Variants in CTNNA3 observed in about 807,000 individuals in gnomAD.
CTNNA3 encodes catenin alpha 3.
A neutral mutation model predicts 95.7 loss-of-function variants in CTNNA3; 76 were observed. The ratio of observed to expected loss-of-function variants is 0.79; its 90% confidence interval spans 0.66 to 0.96. CTNNA3 has a LOEUF of 0.96. Among genes scored for constraint, CTNNA3 ranks in the 40% least tolerant of loss-of-function variants. The probability of loss-of-function intolerance (pLI) is 0.00; values close to 1 mark genes in which losing one functional copy is unlikely to be tolerated. For synonymous variants in CTNNA3, 431 were observed against 374.4 expected (o/e 1.15, Z -1.74); for missense variants, 1,191 against 1,089.8 (o/e 1.09, Z -1.31).
At chr10:66,851,917 T>C (rs1843513471) in intron 7 of CTNNA3, among the ~76,000 whole-genome samples, 1 of 152,120 alleles carries the variant, frequency 6.6e-6, no homozygotes, top group Admixed American at 6.6e-5. Flanking sequence ...CAAGTCTCAC[T>C]CCATGCTTGA....
chr10:67,471,253 T>C (rs1256023420), intron 5 of CTNNA3, among the ~76,000 whole-genome samples: 1 of 152,214 alleles, frequency 6.6e-6, no homozygotes, highest in Non-Finnish European at 1.5e-5. Context: ...TTAAACACAA[T>C]ATAACAACCA....
intron 15 of CTNNA3, among the ~76,000 whole-genome samples, chr10:66,069,011 T>A (rs2133599268): frequency 6.6e-6 from 1 of 152,278 alleles, no homozygotes; most frequent in South Asian, 2.1e-4. Context: ...TTTACCAAAT[T>A]CTTTGTAGAA....
intron 10 of CTNNA3, among the ~76,000 whole-genome samples, chr10:66,594,441 A>T (rs529603249): frequency 6.6e-6 from 1 of 152,114 alleles, no homozygotes; most frequent in African/African-American, 2.4e-5. Flanking sequence ...GTACCCTTAG[A>T]ATGAAATCTC....
At chr10:66,569,556 T>C (rs1842807549) in intron 10 of CTNNA3, among the ~76,000 whole-genome samples, 1 of 152,172 alleles carries the variant, frequency 6.6e-6, no homozygotes, top group African/African-American at 2.4e-5. Flanking sequence ...ACAATTTTAA[T>C]TAATAAGCAG....
At chr10:66,155,599 G>A (rs912854229) in intron 13 of CTNNA3, among the ~76,000 whole-genome samples, 1 of 151,744 alleles carries the variant, frequency 6.6e-6, no homozygotes, top group African/African-American at 2.4e-5. Context: ...GGTGCTGTGG[G>A]GAGCGGAGGA....
intron 5 of CTNNA3, among the ~76,000 whole-genome samples, chr10:67,442,136 TGTTAA>T (rs1197120548): frequency 6.6e-6 from 1 of 152,150 alleles, no homozygotes; most frequent in Non-Finnish European, 1.5e-5. Context: ...ATGCAATCAG[TGTTAA>T]GTTGTTATCA....
intron 5 of CTNNA3, among the ~76,000 whole-genome samples, chr10:67,345,427 G>C (rs1372532515): frequency 1.3e-5 from 2 of 151,986 alleles, no homozygotes; most frequent in African/African-American, 4.8e-5. Flanking sequence ...GCTGAAAGTG[G>C]GGTGTTGAAG....
chr10:66,019,899 C>T (rs994725166), intron 15 of CTNNA3, among the ~76,000 whole-genome samples: 1 of 152,050 alleles, frequency 6.6e-6, no homozygotes, highest in African/African-American at 2.4e-5. Context: ...TTTATCGCTG[C>T]AGTATTATAA....
At chr10:66,329,855 T>G (rs2092303683) in intron 12 of CTNNA3, among the ~76,000 whole-genome samples, 1 of 152,064 alleles carries the variant, frequency 6.6e-6, no homozygotes, top group Non-Finnish European at 1.5e-5. Context: ...GACTGTAAAT[T>G]AAATTACTGA....
intron 13 of CTNNA3, among the ~76,000 whole-genome samples, chr10:66,108,932 A>T (rs1408808212): frequency 7.6e-6 from 1 of 130,806 alleles, no homozygotes; most frequent in East Asian, 2.3e-4. Flanking sequence ...CTTGAATTTT[A>T]AAAAAATCCT....
chr10:67,118,053 A>G (rs1306206098), intron 7 of CTNNA3, among the ~76,000 whole-genome samples: 2 of 152,054 alleles, frequency 1.3e-5, no homozygotes, highest in Non-Finnish European at 2.9e-5. Flanking sequence ...TTAGCATGCT[A>G]ATAGCTAACT....
At chr10:66,296,055 A>C (rs886084593) in intron 12 of CTNNA3, among the ~76,000 whole-genome samples, 3 of 151,846 alleles carry the variant, frequency 2.0e-5, no homozygotes, top group Non-Finnish European at 4.4e-5. Context: ...AAGCAAAATC[A>C]AAACCAAGAC....
intron 11 of CTNNA3, among the ~76,000 whole-genome samples, chr10:66,484,773 C>T (rs1386255970): frequency 6.6e-6 from 1 of 151,722 alleles, no homozygotes; most frequent in East Asian, 1.9e-4. Context: ...AAGGGCACTG[C>T]AAGAAAAAAA....
chr10:67,649,714 T>C (rs921169778), intron 1 of CTNNA3, among the ~76,000 whole-genome samples: 9 of 152,246 alleles, frequency 5.9e-5, no homozygotes, highest in African/African-American at 2.4e-5. Context: ...AACTGCATAA[T>C]TTTGCAAATG....
chr10:66,546,939 T>C (rs895086380), intron 10 of CTNNA3, among the ~76,000 whole-genome samples: 1 of 152,206 alleles, frequency 6.6e-6, no homozygotes, highest in Non-Finnish European at 1.5e-5. Flanking sequence ...TAGATTATAC[T>C]GCAATAACAA....
At position 66,274,323 on chromosome 10, in the gene CTNNA3, ACATTAAAAC is replaced by A. The variant is rs376647626; in HGVS notation, c.1884+6138_1884+6146del. Among the ~76,000 whole-genome samples the A allele has an allele frequency of 7.4e-3, 1,129 of 152,288 alleles. 15 individuals are homozygous for A. Among genetic ancestry groups the A allele is most frequent in the African/African-American group, 0.026 (1,072 of 41,556 alleles). Reference sequence around the variant, plus strand: ...TTTGAATTTTTTCAACCATTTAAAAACATTAAAACCATTCTTAGGCCACAGGCCATACAA... The same window carrying A: ...TTTGAATTTTTTCAACCATTTAAAAACATTCTTAGGCCACAGGCCATACAA... On this transcript the variant is annotated intron_variant, in intron 13 of 17. Coordinates refer to ENST00000433211, the MANE Select transcript of CTNNA3 (RefSeq NM_013266.4).
chr10:66,066,653 T>A (rs548151129), intron 15 of CTNNA3, among the ~76,000 whole-genome samples: 1 of 152,206 alleles, frequency 6.6e-6, no homozygotes, highest in Admixed American at 6.5e-5. Flanking sequence ...TGAAATTCCA[T>A]GTATAATACA....
intron 17 of CTNNA3, among the ~76,000 whole-genome samples, chr10:65,932,697 C>A (rs955471045): frequency 6.6e-6 from 1 of 152,104 alleles, no homozygotes; most frequent in Non-Finnish European, 1.5e-5. Context: ...ACTGTTTTGT[C>A]CTGGCTAAGG....
intron 15 of CTNNA3, among the ~76,000 whole-genome samples, chr10:66,036,946 C>CACTG (rs912160872): frequency 2.1e-5 from 3 of 143,292 alleles, no homozygotes; most frequent in African/African-American, 7.9e-5. Flanking sequence ...GATCTCAGCT[C>CACTG]ACTGCAAGCT....
Sources: allele counts gnomAD v4.1 joint callset (sites outside exome capture counted in the v4.1 genomes callset), GRCh38; gene constraint gnomAD v4.1.1; transcripts MANE v1.5; gene names NCBI Gene and HGNC (gene_info 2026-07-23, HGNC 2026-07-21).